RPL4: variants seen among roughly 807,000 people sequenced by gnomAD.
RPL4 encodes large ribosomal subunit protein uL4.
In RPL4, 3 loss-of-function variants were observed where a neutral mutation model predicts 47.7. The ratio of observed to expected loss-of-function variants is 0.06; its 90% CI spans 0.03 to 0.16. RPL4 has a LOEUF of 0.16. Ranked by LOEUF, RPL4 falls within the 10% of genes least tolerant of loss-of-function variation. RPL4 has a pLI of 1.00. For missense variants in RPL4, 413 were observed against 551.3 expected (o/e 0.75, Z 2.51); for synonymous variants, 208 against 182.1 (o/e 1.14, Z -1.15).
At chr15:66,500,820 G>A (rs1893595516) in intron 7 of RPL4, 129 bp downstream of exon 7, 1 of 1,108,420 alleles carries the variant, frequency 9.0e-7, no homozygotes. Context: ...GACCAGGTGA[G>A]TCTCATTTTG....
chr15:66,500,814 A>G, intron 7 of RPL4, 135 bp downstream of exon 7: 1 of 1,039,854 alleles, frequency 9.6e-7, no homozygotes, highest in Non-Finnish European at 1.4e-6. Flanking sequence ...AATATAGACC[A>G]GGTGAGTCTC....
rs375641096 is a variant in RPL4, at chr15:66,498,393, G to C, written c.*1014C>G. On this transcript the variant is annotated 3_prime_UTR_variant, in exon 10 of 10. Transcript: ENST00000307961. ...AACTGAGACTGTCTTGACAGTTCGA[G>C]ACTGTCAGAGAGAAGCTGACAGTTT... 2.6e-5 allele frequency: 4 copies of C among 152,336 alleles called. No individual in the cohort carries two copies. The East Asian group carries it at 7.7e-4, about 29-fold the overall frequency. 9.4% of individuals were successfully genotyped at this position (152,336 alleles called of 1,614,324 possible).
rs778580284 is a variant in RPL4 at position 66,503,540 on chromosome 15, A to C, written c.4-11T>G. 25 of 1,577,478 alleles carry C rather than the reference A, an allele frequency of 1.6e-5. No individual in the cohort carries two copies. Among genetic ancestry groups the C allele is most frequent in the Non-Finnish European group, 2.2e-5 (25 of 1,157,710 alleles). On this transcript the variant is annotated splice_polypyrimidine_tract_variant and intron_variant, in intron 1 of 9. Coordinates refer to ENST00000307961, the MANE Select transcript of RPL4 (RefSeq NM_000968.4). ...TGGGCGAGCACACGCCTAAAGAAAA[A>C]GACAAGGATTATTTTTATTGACAAG...
chr15:66,501,482 C>G lies in RPL4; in HGVS notation c.569G>C (p.Arg190Thr). 1 of 1,614,182 alleles carries G rather than the reference C, an allele frequency of 6.2e-7. No homozygotes were observed. The highest frequency in any genetic ancestry group is 8.5e-7 in the Non-Finnish European group (1 of 1,180,050). The change falls in exon 6 of 10, where the codon AGA (arginine) becomes ACA (threonine). Residue 190 changes from arginine to threonine, a missense_variant. Coordinates refer to ENST00000307961, the MANE Select transcript of RPL4 (RefSeq NM_000968.4). ...GTTTCTCATTTTGCCTTTGCCAGCT[C>G]TCATTCGCTGAGAGGCATAGACCTA... Reference protein sequence around the residue: ...IKKVYASQRMRAGKGKMRNRR... With the variant: ...IKKVYASQRMTAGKGKMRNRR...
rs754564215 is a variant in RPL4 at position 66,504,840 on chromosome 15, G to A, written c.-50C>T. 3.2e-5 allele frequency: 52 copies of A among 1,606,456 alleles called. 1 individual carries two copies. The South Asian group carries it at 5.2e-4, about 16-fold the overall frequency. ...TCCTCTCAGCCCGGCTGCTGCCACA[G>A]GAAAAGGAAGTGCTTACCACTCCCG... On this transcript the variant is annotated 5_prime_UTR_variant, in exon 1 of 10. Transcript: ENST00000307961.
Position 66,500,161 on chromosome 15 carries a change from G to A in RPL4, c.933C>T (p.Arg311=), listed in dbSNP as rs1567034016. ...ALRAPRKKIH[R]RVLKKNPLKN... ...TCAGTGGGTTCTTCTTTAGGACTCTGCGATGGATCTTCTTGCTATAAAAAA... is the reference window on the plus strand; with the variant it reads ...TCAGTGGGTTCTTCTTTAGGACTCTACGATGGATCTTCTTGCTATAAAAAA... Residue 311 remains arginine, a synonymous_variant, in exon 9 of 10, where the codon CGC becomes CGT. Transcript: ENST00000307961. 2 of 1,613,828 alleles carry A rather than the reference G, an allele frequency of 1.2e-6. No homozygotes were observed. Among genetic ancestry groups the A allele is most frequent in the Non-Finnish European group, 1.7e-6 (2 of 1,179,934 alleles).
In RPL4 at chr15:66,499,137, C is replaced by G. The variant is rs914469661; in HGVS notation, c.*270G>C. ...CCTGTTACACCTATTTTTCAAGCCA[C>G]ATTATTTAGAAAACCACAACTTTTT... On this transcript the variant is annotated 3_prime_UTR_variant, in exon 10 of 10. Transcript: ENST00000307961. 13 of 353,318 alleles carry G rather than the reference C, an allele frequency of 3.7e-5. No individual in the cohort carries two copies. Among genetic ancestry groups the G allele is most frequent in the Admixed American group, 3.6e-4 (8 of 22,352 alleles). 21.9% of individuals were successfully genotyped at this position (353,318 alleles called of 1,614,324 possible).
rs1452449637 is a variant in RPL4, at chr15:66,499,385, T to G, written c.*22A>C. 6.3e-7 allele frequency: 1 copy of G among 1,588,192 alleles called. No homozygotes were observed. The highest frequency in any genetic ancestry group is 1.4e-5 in the African/African-American group (1 of 73,148). On this transcript the variant is annotated 3_prime_UTR_variant, in exon 10 of 10. Transcript: ENST00000307961. ...GCTGTCCAAAATGATTTGACCTTTATGGAATAATCAAATTTAAGAGTTTAT... is the reference window on the plus strand; with the variant it reads ...GCTGTCCAAAATGATTTGACCTTTAGGGAATAATCAAATTTAAGAGTTTAT...
intron 4 of RPL4, 79 bp from the exon 5 acceptor site, chr15:66,501,991 C>CA (rs1893626750): frequency 6.4e-7 from 1 of 1,551,080 alleles, no homozygotes; most frequent in Non-Finnish European, 8.8e-7. Flanking sequence ...TTTATACAAC[C>CA]AATAAAAGCA....
chr15:66,502,518 G>C, intron 4 of RPL4, 94 bp downstream of exon 4: 1 of 1,330,628 alleles, frequency 7.5e-7, no homozygotes, highest in Non-Finnish European at 1.0e-6. Context: ...TAGCCATCTT[G>C]AAATGGGTTA....
intron 1 of RPL4, among the ~76,000 whole-genome samples, chr15:66,504,057 C>T (rs902707145): frequency 1.3e-5 from 2 of 152,186 alleles, no homozygotes; most frequent in Non-Finnish European, 2.9e-5. Context: ...TACACTCTTC[C>T]AGATATTTTT....
intron 7 of RPL4, 129 bp downstream of exon 7, chr15:66,500,820 G>C (rs1893595516): frequency 7.2e-6 from 8 of 1,108,302 alleles, no homozygotes; most frequent in Non-Finnish European, 1.0e-5. Flanking sequence ...GACCAGGTGA[G>C]TCTCATTTTG....
chr15:66,499,838 T>C (rs1893572347), intron 9 of RPL4, 186 bp from the exon 10 acceptor site: 1 of 911,568 alleles, frequency 1.1e-6, no homozygotes, highest in East Asian at 2.6e-5. Flanking sequence ...AGCCTAACAA[T>C]ATAGTGACAC....
intron 1 of RPL4, among the ~76,000 whole-genome samples, chr15:66,503,917 C>T (rs983996947): frequency 1.3e-5 from 2 of 152,122 alleles, no homozygotes; most frequent in African/African-American, 2.4e-5. Flanking sequence ...CACGTGTTTC[C>T]AAAGCTCACC....
intron 6 of RPL4, 93 bp downstream of exon 6, chr15:66,501,282 A>G (rs769829666): frequency 4.4e-6 from 7 of 1,590,586 alleles, no homozygotes. Context: ...CATTTGTTTC[A>G]GAAACACGGA....
intron 1 of RPL4, 84 bp downstream of exon 1, chr15:66,504,704 A>G: frequency 6.3e-7 from 1 of 1,575,540 alleles, no homozygotes; most frequent in South Asian, 1.1e-5. Flanking sequence ...TCTATCTCCT[A>G]CAGATTCTAT....
chr15:66,498,473 G>A lies in RPL4; in HGVS notation c.*934C>T, dbSNP rs907710064. On this transcript the variant is annotated 3_prime_UTR_variant, in exon 10 of 10. Coordinates refer to ENST00000307961, the MANE Select transcript of RPL4 (RefSeq NM_000968.4). ...ACACAGGACAAGAGGTTAATTCTAG[G>A]GTAATATTTGCAGTTTAGCTTTATG... 2 of 152,038 alleles carry A rather than the reference G, an allele frequency of 1.3e-5. No homozygotes were observed. Among genetic ancestry groups the A allele is most frequent in the Non-Finnish European group, 2.9e-5 (2 of 67,994 alleles). The allele number at this position is 152,038 out of a possible 1,614,324, so 9.4% of individuals were successfully genotyped here. A position where few individuals can be genotyped will look rare whatever the true frequency, so the allele number is the denominator to read the frequency against.
Position 66,504,799 on chromosome 15 carries a change from G to A in RPL4, c.-9C>T, listed in dbSNP as rs375111087. The A allele has an allele frequency of 4.9e-5, 79 of 1,611,772 alleles. No individual in the cohort carries two copies. The African/African-American group carries it at 6.4e-4, about 13-fold the overall frequency. On this transcript the variant is annotated 5_prime_UTR_variant, in exon 1 of 10. Transcript: ENST00000307961. ...GAACTTCCACTCACCATGGCGGAGA[G>A]AGGAGACAGCCACGCTCCTCTCAGC...
At chr15:66,502,591 C>A in intron 4 of RPL4, 21 bp downstream of exon 4, 1 of 1,607,812 alleles carries the variant, frequency 6.2e-7, no homozygotes, top group Non-Finnish European at 8.5e-7. Flanking sequence ...ATCAAACTCT[C>A]TTATATAAAG....
Sources: gnomAD v4.1 joint callset for allele counts (sites outside exome capture counted in the v4.1 genomes callset) on GRCh38, gnomAD v4.1.1 for gene constraint, MANE v1.5 for transcripts, NCBI Gene and HGNC (gene_info 2026-07-23, HGNC 2026-07-21) for gene names.